Variants in MTUS1 observed in about 807,000 individuals in gnomAD.
MTUS1 encodes microtubule associated scaffold protein 1.
Under a neutral mutation model 120.8 loss-of-function variants are expected in MTUS1, and 109 were observed. The ratio of observed to expected loss-of-function variants is 0.90; its 90% CI spans 0.77 to 1.06. The LOEUF is 1.06. MTUS1 is among the 50% of genes least tolerant of loss of function. MTUS1 has a pLI of 0.00. For missense variants in MTUS1, 2,210 were observed against 1,486.3 expected (o/e 1.49, Z -8.01); for synonymous variants, 737 against 550.5 (o/e 1.34, Z -4.74).
At chr8:17,707,814 A>G (rs1820470128) in intron 6 of MTUS1, among the ~76,000 whole-genome samples, 1 of 152,244 alleles carries the variant, frequency 6.6e-6, no homozygotes, top group African/African-American at 2.4e-5. Flanking sequence ...AATCAGAAAT[A>G]AACCCTCACA....
At chr8:17,788,186 C>A (rs1174668623) in intron 1 of MTUS1, among the ~76,000 whole-genome samples, 1 of 152,132 alleles carries the variant, frequency 6.6e-6, no homozygotes, top group Non-Finnish European at 1.5e-5. Context: ...GATCGTTACA[C>A]CAATATGTAT....
chr8:17,684,063 C>T (rs1009852264), intron 7 of MTUS1, among the ~76,000 whole-genome samples: 4 of 152,058 alleles, frequency 2.6e-5, no homozygotes, highest in African/African-American at 7.2e-5. Context: ...CATACACCGG[C>T]GTAAGAGGCA....
chr8:17,660,541 T>A (rs901531172), intron 8 of MTUS1, among the ~76,000 whole-genome samples: 1 of 152,142 alleles, frequency 6.6e-6, no homozygotes, highest in Non-Finnish European at 1.5e-5. Flanking sequence ...TTCTTTGGTG[T>A]ATATACCCAG....
intron 8 of MTUS1, among the ~76,000 whole-genome samples, chr8:17,661,141 A>G (rs1426667326): frequency 3.3e-5 from 5 of 152,300 alleles, no homozygotes; most frequent in East Asian, 3.9e-4. Flanking sequence ...TAAACACTGC[A>G]TTAGCTTCTG....
intron 6 of MTUS1, among the ~76,000 whole-genome samples, chr8:17,703,555 G>A (rs1234565357): frequency 6.6e-6 from 1 of 151,586 alleles, no homozygotes; most frequent in African/African-American, 2.4e-5. Context: ...CGTGAACCTG[G>A]GAGGCAGAGC....
intron 6 of MTUS1, among the ~76,000 whole-genome samples, chr8:17,692,584 A>T (rs975501365): frequency 6.6e-6 from 1 of 152,200 alleles, no homozygotes; most frequent in African/African-American, 2.4e-5. Flanking sequence ...ACGCATTCAC[A>T]TTCTGCCTGC....
intron 1 of MTUS1, among the ~76,000 whole-genome samples, chr8:17,778,873 G>A (rs947230047): frequency 1.3e-5 from 2 of 152,118 alleles, no homozygotes; most frequent in African/African-American, 4.8e-5. Flanking sequence ...AAGCTACTGA[G>A]GCACCTGTAA....
intron 6 of MTUS1, among the ~76,000 whole-genome samples, chr8:17,707,560 A>G (rs944624089): frequency 1.1e-4 from 16 of 152,196 alleles, no homozygotes; most frequent in Non-Finnish European, 2.9e-5. Flanking sequence ...TATAGATTCA[A>G]TGTAACAGAA....
intron 9 of MTUS1, among the ~76,000 whole-genome samples, chr8:17,655,284 A>C (rs1009964023): frequency 7.6e-5 from 8 of 105,882 alleles, no homozygotes; most frequent in Non-Finnish European, 1.7e-4. Flanking sequence ...AACAGATGCC[A>C]CTAAAAAAAA....
At chr8:17,697,958 A>G (rs527617312) in intron 6 of MTUS1, among the ~76,000 whole-genome samples, 5 of 152,174 alleles carry the variant, frequency 3.3e-5, no homozygotes, top group Non-Finnish European at 7.4e-5. Flanking sequence ...CATGTAAACT[A>G]CATTTAAACC....
chr8:17,755,542 A>G lies in MTUS1; in HGVS notation c.266T>C (p.Phe89Ser). The G allele has an allele frequency of 6.2e-7, 1 of 1,614,236 alleles. No homozygotes were observed. The highest frequency in any genetic ancestry group is 8.5e-7 in the Non-Finnish European group (1 of 1,180,034). ...CATATCTAACACCTGCTTACTAATG[A>G]AATCACTAGAAGACTTTTCATGACC... ...VFGHEKSSSD[F>S]ISKQVLDMHK... The change falls in exon 2 of 15, where the codon TTC becomes TCC. Residue 89 changes from phenylalanine (F) to serine (S), a missense_variant. Coordinates refer to ENST00000693296, the MANE Select transcript of MTUS1 (RefSeq NM_001363059.2).
At chr8:17,704,690 C>T (rs1049249138) in intron 6 of MTUS1, among the ~76,000 whole-genome samples, 1 of 152,220 alleles carries the variant, frequency 6.6e-6, no homozygotes, top group Non-Finnish European at 1.5e-5. Context: ...ACTTTAAAAT[C>T]AGGAACTGTG....
At chr8:17,783,522 T>C (rs79875542) in intron 1 of MTUS1, among the ~76,000 whole-genome samples, 4 of 142,982 alleles carry the variant, frequency 2.8e-5, no homozygotes, top group South Asian at 2.1e-4. Flanking sequence ...GATGATGTAA[T>C]TTTTTTTTTA....
Position 17,753,955 on chromosome 8 carries a change from G to C in MTUS1, c.1853C>G (p.Ala618Gly), listed in dbSNP as rs766393900. The change falls in exon 2 of 15, where the codon GCC (alanine) becomes GGC (glycine). Residue 618 changes from alanine (A) to glycine (G), a missense_variant. Physicochemically the swap from Ala to Gly is moderately conservative, Grantham distance 60. Transcript: ENST00000693296. ...VKSNQEDVDK[A>G]SSSNSACETG... ...CTCGCATGCTGAGTTAGAAGAACTG[G>C]CTTTGTCAACATCTTCCTGATTCGA... The C allele has an allele frequency of 1.9e-6, 3 of 1,614,062 alleles. No individual in the cohort carries two copies. Among genetic ancestry groups the C allele is most frequent in the African/African-American group, 2.7e-5 (2 of 74,922 alleles).
intron 8 of MTUS1, among the ~76,000 whole-genome samples, chr8:17,667,797 C>T (rs1811212576): frequency 6.6e-6 from 1 of 152,182 alleles, no homozygotes; most frequent in African/African-American, 2.4e-5. Flanking sequence ...TGGGAAGTTA[C>T]TTAACCTCTG....
intron 2 of MTUS1, among the ~76,000 whole-genome samples, chr8:17,748,837 C>G (rs1302941941): frequency 6.6e-6 from 1 of 152,122 alleles, no homozygotes; most frequent in Non-Finnish European, 1.5e-5. Flanking sequence ...CTCTTTTTTC[C>G]CTACATCCTA....
intron 6 of MTUS1, among the ~76,000 whole-genome samples, chr8:17,699,751 C>T (rs993453869): frequency 6.6e-6 from 1 of 152,216 alleles, no homozygotes; most frequent in Non-Finnish European, 1.5e-5. Flanking sequence ...GGCCGTGCAG[C>T]ACAAGTGCAC....
chr8:17,651,950 T>A (rs930740046), intron 12 of MTUS1, among the ~76,000 whole-genome samples: 21 of 152,328 alleles, frequency 1.4e-4, no homozygotes, highest in African/African-American at 4.8e-4. Flanking sequence ...CTAGAATAAA[T>A]AGCTTTGAAG....
At chr8:17,672,795 G>C (rs755820474) in intron 8 of MTUS1, among the ~76,000 whole-genome samples, 8 of 152,206 alleles carry the variant, frequency 5.3e-5, no homozygotes, top group Non-Finnish European at 7.3e-5. Flanking sequence ...CACCAGGACA[G>C]CTTCCTTATC....
Sources: gnomAD v4.1 joint callset for allele counts (sites outside exome capture counted in the v4.1 genomes callset) on GRCh38, gnomAD v4.1.1 for gene constraint, MANE v1.5 for transcripts, NCBI Gene and HGNC (gene_info 2026-07-23, HGNC 2026-07-21) for gene names.